Variants in GRIK4 observed in about 807,000 individuals in gnomAD.
GRIK4 encodes the protein glutamate ionotropic receptor kainate type subunit 4, also known as glutamate receptor ionotropic, kainate 4.
A neutral mutation model predicts 104.9 loss-of-function variants in GRIK4; 40 were observed. That is an observed-to-expected ratio of 0.38 (90% CI 0.30 to 0.50). The LOEUF is 0.50. Ranked by LOEUF, GRIK4 falls within the 20% of genes least tolerant of loss-of-function variation. GRIK4 has a pLI of 0.93. For missense variants in GRIK4, 1,047 were observed against 1,308.1 expected, an observed-to-expected ratio of 0.80 and a Z score of 3.08; for synonymous variants, 485 against 524.9, an observed-to-expected ratio of 0.92 and a Z score of 1.04.
chr11:120,865,380 G>T (rs1385353284), intron 9 of GRIK4, among the ~76,000 whole-genome samples: 1 of 152,232 alleles, frequency 6.6e-6, no homozygotes, highest in Non-Finnish European at 1.5e-5. Context: ...GTAGCCCGCG[G>T]ACCTGTGGGT....
At chr11:120,801,225 A>G (rs923260015) in intron 3 of GRIK4, among the ~76,000 whole-genome samples, 2 of 152,074 alleles carry the variant, frequency 1.3e-5, no homozygotes, top group Non-Finnish European at 2.9e-5. Context: ...TACTTAGCCT[A>G]ATGGTGTGTT....
chr11:120,529,920 C>T (rs1205238197), intron 1 of GRIK4, among the ~76,000 whole-genome samples: 1 of 152,182 alleles, frequency 6.6e-6, no homozygotes, highest in African/African-American at 2.4e-5. Context: ...ACTGGCATGC[C>T]CCGAGTCACA....
intron 3 of GRIK4, among the ~76,000 whole-genome samples, chr11:120,685,719 C>G (rs1315011377): frequency 6.6e-6 from 1 of 152,186 alleles, no homozygotes; most frequent in South Asian, 2.1e-4. Flanking sequence ...ACTTTTGCAG[C>G]AGTTGCAGTT....
chr11:120,817,333 C>T (rs1952988109), intron 5 of GRIK4, among the ~76,000 whole-genome samples: 1 of 152,208 alleles, frequency 6.6e-6, no homozygotes, highest in African/African-American at 2.4e-5. Context: ...CTGTGCCAGA[C>T]CAGCCAGCCA....
At position 120,802,687 on chromosome 11, in the gene GRIK4, C is replaced by T; in HGVS notation, c.83-6C>T. The T allele has an allele frequency of 6.2e-7, 1 of 1,612,790 alleles. No homozygotes were observed. Among genetic ancestry groups the T allele is most frequent in the Non-Finnish European group, 8.5e-7 (1 of 1,179,446 alleles). ...CAATTGTCTCCATGTGGTTGCCTGC[C>T]CACAGCTGCTATCTTGGACGACCCC... is the stretch of plus-strand genomic sequence containing the variant. On this transcript the variant is annotated splice_region_variant and splice_polypyrimidine_tract_variant and intron_variant, in intron 3 of 20. Transcript: ENST00000527524.
chr11:120,982,867 C>G (rs1944674904), intron 20 of GRIK4, among the ~76,000 whole-genome samples: 1 of 152,206 alleles, frequency 6.6e-6, no homozygotes, highest in African/African-American at 2.4e-5. Flanking sequence ...CCCTGGAAGT[C>G]CGTGGAGTCT....
intron 3 of GRIK4, among the ~76,000 whole-genome samples, chr11:120,735,690 T>TAAA (rs113346918): frequency 6.7e-5 from 10 of 150,108 alleles, no homozygotes; most frequent in Admixed American, 1.3e-4. Flanking sequence ...GGGATTGGAG[T>TAAA]GAAAAAAAAA....
chr11:120,721,157 G>C (rs1403055245), intron 3 of GRIK4, among the ~76,000 whole-genome samples: 3 of 152,168 alleles, frequency 2.0e-5, no homozygotes, highest in African/African-American at 7.2e-5. Context: ...GGAGCAGTTG[G>C]GGTCCCTGGT....
At chr11:120,887,091 C>G (rs1212728184) in intron 11 of GRIK4, among the ~76,000 whole-genome samples, 1 of 152,192 alleles carries the variant, frequency 6.6e-6, no homozygotes, top group Non-Finnish European at 1.5e-5. Flanking sequence ...CAGAAATCTT[C>G]CTTTCTAAAG....
intron 8 of GRIK4, among the ~76,000 whole-genome samples, chr11:120,839,601 G>A (rs1953665408): frequency 6.6e-6 from 1 of 152,216 alleles, no homozygotes. Context: ...CCCCAGCCAT[G>A]CATGACCTGT....
intron 1 of GRIK4, among the ~76,000 whole-genome samples, chr11:120,542,807 T>A (rs1018239159): frequency 6.6e-6 from 1 of 152,182 alleles, no homozygotes; most frequent in African/African-American, 2.4e-5. Flanking sequence ...TAACAAATAC[T>A]GGTGAGGATG....
At chr11:120,644,202 C>T (rs1332503342) in intron 1 of GRIK4, among the ~76,000 whole-genome samples, 3 of 152,084 alleles carry the variant, frequency 2.0e-5, no homozygotes, top group Non-Finnish European at 4.4e-5. Context: ...TCTTATGCCT[C>T]GCACACATTA....
At chr11:120,822,295 G>T (rs1412709308) in intron 6 of GRIK4, among the ~76,000 whole-genome samples, 1 of 151,510 alleles carries the variant, frequency 6.6e-6, no homozygotes, top group African/African-American at 2.4e-5. Flanking sequence ...CATGAAAGGG[G>T]TTTGGCAAGA....
chr11:120,679,611 G>A (rs774511694), intron 3 of GRIK4, among the ~76,000 whole-genome samples: 44 of 152,174 alleles, frequency 2.9e-4, no homozygotes, highest in Non-Finnish European at 1.5e-4. Context: ...GCACCAAGAT[G>A]GGAACCTGTA....
chr11:120,897,556 CGCACAACTAGACTCTA>C (rs1198194940), intron 11 of GRIK4, among the ~76,000 whole-genome samples: 1 of 114,618 alleles, frequency 8.7e-6, no homozygotes, highest in Non-Finnish European at 1.7e-5. Flanking sequence ...GAGCCGAGAT[CGCACAACTAGACTCTA>C]GCCTGGGTGA....
chr11:120,516,856 G>C (rs532069915), intron 1 of GRIK4, among the ~76,000 whole-genome samples: 3 of 152,098 alleles, frequency 2.0e-5, no homozygotes, highest in African/African-American at 4.8e-5. Flanking sequence ...CTGACAGTGC[G>C]TGCCTGGATG....
In GRIK4 at chr11:120,555,955, G is replaced by T. The variant is rs1948181609; in HGVS notation, c.-159+44068G>T. Among the ~76,000 whole-genome samples the T allele has an allele frequency of 6.6e-6, 1 of 152,156 alleles. No homozygotes were observed. The highest frequency in any genetic ancestry group is 6.5e-5 in the Admixed American group (1 of 15,280). Reference sequence around the variant, plus strand: ...CCACAGACAGGTCATATTTCTAATGGTTTACTTACATGTTAGACTGTCGGC... The same window carrying T: ...CCACAGACAGGTCATATTTCTAATGTTTTACTTACATGTTAGACTGTCGGC... On this transcript the variant is annotated intron_variant, in intron 1 of 20. Transcript: ENST00000527524. The surrounding 1 kb of genome is among the most constrained non-coding windows in gnomAD (Gnocchi z 5.3).
intron 8 of GRIK4, among the ~76,000 whole-genome samples, chr11:120,837,540 A>G (rs1248007284): frequency 3.3e-5 from 5 of 152,144 alleles, no homozygotes; most frequent in Non-Finnish European, 7.4e-5. Flanking sequence ...AGCCACACAT[A>G]TTATATGCGC....
chr11:120,783,127 GC>G (rs905887670), intron 3 of GRIK4, among the ~76,000 whole-genome samples: 1 of 152,136 alleles, frequency 6.6e-6, no homozygotes, highest in Non-Finnish European at 1.5e-5. Flanking sequence ...GCAGACAGCA[GC>G]CCCCCCACAG....
Sources: gnomAD v4.1 joint callset for allele counts (sites outside exome capture counted in the v4.1 genomes callset) on GRCh38, gnomAD v4.1.1 for gene constraint, Gnocchi (gnomAD v3.1) non-coding constraint, MANE v1.5 for transcripts, NCBI Gene and HGNC (gene_info 2026-07-23, HGNC 2026-07-21) for gene names.